Variants in SLC24A2 observed in about 807,000 individuals in gnomAD.
SLC24A2 encodes the protein sodium/potassium/calcium exchanger 2.
A neutral mutation model predicts 62.0 loss-of-function variants in SLC24A2; 36 were observed. The ratio of observed to expected loss-of-function variants is 0.58; its 90% CI spans 0.44 to 0.77. The LOEUF is 0.77. SLC24A2 is among the 30% of genes least tolerant of loss of function. The pLI is 0.00. For missense variants in SLC24A2, 846 were observed against 817.9 expected, an observed-to-expected ratio of 1.03 and a Z score of -0.42; for synonymous variants, 358 against 294.0, an observed-to-expected ratio of 1.22 and a Z score of -2.23.
chr9:20,210,657 T>G, the SLC24A2 span, among the ~76,000 whole-genome samples: 1 of 42,246 alleles, frequency 2.4e-5, no homozygotes, highest in Admixed American at 1.9e-4. Context: ...TTTTTTTTTT[T>G]TTTTTTTTTT....
At chr9:19,606,556 G>A (rs1232438137) in intron 4 of SLC24A2, among the ~76,000 whole-genome samples, 1 of 152,224 alleles carries the variant, frequency 6.6e-6, no homozygotes, top group East Asian at 1.9e-4. Flanking sequence ...TCTACAGTGG[G>A]GGCCTGTAAA....
the SLC24A2 span, among the ~76,000 whole-genome samples, chr9:19,941,995 A>G: frequency 6.6e-6 from 1 of 152,168 alleles, no homozygotes; most frequent in Non-Finnish European, 1.5e-5. Flanking sequence ...GACAATGAAT[A>G]ATTACTTTAG....
At chr9:20,153,464 G>A in the SLC24A2 span, among the ~76,000 whole-genome samples, 5 of 151,816 alleles carry the variant, frequency 3.3e-5, no homozygotes, top group Admixed American at 6.6e-5. Flanking sequence ...GACTTACCAC[G>A]TGTTTCATCT....
the SLC24A2 span, among the ~76,000 whole-genome samples, chr9:20,164,419 C>G: frequency 2.6e-5 from 4 of 152,136 alleles, no homozygotes; most frequent in African/African-American, 9.7e-5. Context: ...AAATGCAAAT[C>G]AAAACCACGA....
chr9:19,576,078 T>G (rs922428582), intron 6 of SLC24A2, among the ~76,000 whole-genome samples: 3 of 152,210 alleles, frequency 2.0e-5, no homozygotes, highest in Non-Finnish European at 4.4e-5. Context: ...TAACTGTTTC[T>G]CAGCCAAAAA....
the SLC24A2 span, among the ~76,000 whole-genome samples, chr9:19,939,689 G>A: frequency 6.6e-6 from 1 of 152,154 alleles, no homozygotes; most frequent in East Asian, 1.9e-4. Context: ...CATTTCCACA[G>A]CTATACTATC....
upstream of SLC24A2, among the ~76,000 whole-genome samples, chr9:19,790,834 T>C (rs535901403): frequency 3.3e-5 from 5 of 152,280 alleles, no homozygotes; most frequent in South Asian, 1.0e-3. Context: ...TCTGGCTACA[T>C]GGGGTGCGGA....
At chr9:19,716,490 T>G (rs1820864059) in intron 2 of SLC24A2, among the ~76,000 whole-genome samples, 1 of 152,224 alleles carries the variant, frequency 6.6e-6, no homozygotes, top group South Asian at 2.1e-4. Context: ...TCAGTAAATT[T>G]TGTTTGCAGT....
chr9:20,248,914 T>C, the SLC24A2 span, among the ~76,000 whole-genome samples: 1 of 152,310 alleles, frequency 6.6e-6, no homozygotes, highest in African/African-American at 2.4e-5. Flanking sequence ...ATATTCATGG[T>C]TCTTCCTGGT....
chr9:20,140,138 G>C, the SLC24A2 span, among the ~76,000 whole-genome samples: 1 of 152,206 alleles, frequency 6.6e-6, no homozygotes, highest in African/African-American at 2.4e-5. Context: ...CGAGAGAGTT[G>C]TTTGTTTAGA....
the SLC24A2 span, among the ~76,000 whole-genome samples, chr9:19,983,073 A>G: frequency 2.0e-5 from 3 of 152,210 alleles, no homozygotes. Context: ...GTGAAATATC[A>G]AAAGCTTGCC....
At chr9:20,216,133 A>G in the SLC24A2 span, among the ~76,000 whole-genome samples, 6 of 152,174 alleles carry the variant, frequency 3.9e-5, no homozygotes, top group Non-Finnish European at 7.3e-5. Context: ...TTCCCTTGCA[A>G]TATTAGCTCC....
chr9:19,542,060 C>G (rs535350757), intron 8 of SLC24A2, among the ~76,000 whole-genome samples: 5 of 152,304 alleles, frequency 3.3e-5, no homozygotes, highest in African/African-American at 1.2e-4. Context: ...CGCCCTGCTT[C>G]GGCTCGCGCA....
chr9:19,523,965 C>T (rs1294427261), intron 9 of SLC24A2, among the ~76,000 whole-genome samples: 1 of 151,798 alleles, frequency 6.6e-6, no homozygotes, highest in Non-Finnish European at 1.5e-5. Flanking sequence ...AAGAACTAGT[C>T]TTCATAAGCT....
the SLC24A2 span, among the ~76,000 whole-genome samples, chr9:20,088,521 C>A: frequency 6.6e-6 from 1 of 152,170 alleles, no homozygotes; most frequent in African/African-American, 2.4e-5. Flanking sequence ...ACCATCCCCA[C>A]CAGGGTTTTC....
chr9:19,622,423 G>T, intron 2 of SLC24A2, 124 bp from the exon 3 acceptor site: 1 of 992,866 alleles, frequency 1.0e-6, no homozygotes, highest in Non-Finnish European at 1.5e-6. Flanking sequence ...CTGCTCCTGG[G>T]ATGAGTTAAG....
chr9:20,124,290 A>C, the SLC24A2 span, among the ~76,000 whole-genome samples: 1 of 150,058 alleles, frequency 6.7e-6, no homozygotes, highest in South Asian at 2.2e-4. Flanking sequence ...GAATATTTTC[A>C]AGGTTCCCAA....
the SLC24A2 span, among the ~76,000 whole-genome samples, chr9:19,923,365 T>A: frequency 1.3e-5 from 2 of 152,214 alleles, no homozygotes; most frequent in African/African-American, 4.8e-5. Flanking sequence ...AAAGTCTTCA[T>A]TGAATTGATA....
At chr9:20,194,846 CAG>C in the SLC24A2 span, among the ~76,000 whole-genome samples, 2 of 152,040 alleles carry the variant, frequency 1.3e-5, no homozygotes, top group East Asian at 3.9e-4. Context: ...CACACACAGA[CAG>C]ACACACACAC....
Sources: gnomAD v4.1 joint callset for allele counts (sites outside exome capture counted in the v4.1 genomes callset) on GRCh38, gnomAD v4.1.1 for gene constraint, MANE v1.5 for transcripts, NCBI Gene and HGNC (gene_info 2026-07-23, HGNC 2026-07-21) for gene names.